IL2RB: variants seen among roughly 807,000 people sequenced by gnomAD.
IL2RB encodes interleukin 2 receptor subunit beta, also known as interleukin-2 receptor subunit beta.
IL2RB carries 17 observed loss-of-function variants against 44.2 expected under a neutral mutation model. That is an observed-to-expected ratio of 0.38 (90% CI 0.26 to 0.58). The LOEUF (loss-of-function observed/expected upper bound fraction) is 0.58. IL2RB is among the 20% of genes least tolerant of loss of function. The probability of loss-of-function intolerance (pLI) is 0.63; values close to 1 mark genes in which losing one functional copy is unlikely to be tolerated. For missense variants in IL2RB, 624 were observed against 685.5 expected (o/e 0.91, Z 1.00); for synonymous variants, 286 against 297.9 (o/e 0.96, Z 0.41).
At chr22:37,171,803 A>C (rs1034418) in intron 1 of IL2RB, among the ~76,000 whole-genome samples, 1 of 152,154 alleles carries the variant, frequency 6.6e-6, no homozygotes, top group Admixed American at 6.5e-5. Flanking sequence ...CAGAATAGAA[A>C]GCTGCTCACA....
At chr22:37,175,078 CT>C (rs937506747), upstream of IL2RB, 4 of 152,194 alleles carry the variant, frequency 2.6e-5, no homozygotes, top group African/African-American at 9.7e-5. Context: ...GGAAGGGTCC[CT>C]TATACAACCA....
upstream of IL2RB, among the ~76,000 whole-genome samples, chr22:37,150,229 A>G (rs116606454): frequency 5.4e-3 from 821 of 151,898 alleles, 9 homozygotes; most frequent in African/African-American, 0.019. Context: ...GCCAACTCAC[A>G]CAGGCTACCC....
At chr22:37,174,247 T>C (rs1923379596) in intron 1 of IL2RB, among the ~76,000 whole-genome samples, 1 of 151,460 alleles carries the variant, frequency 6.6e-6, no homozygotes, top group Non-Finnish European at 1.5e-5. Flanking sequence ...GTTTTGAGAC[T>C]TTTTTCCATG....
chr22:37,138,891 C>G (rs1921827081), intron 5 of IL2RB, among the ~76,000 whole-genome samples: 2 of 152,092 alleles, frequency 1.3e-5, no homozygotes, highest in Non-Finnish European at 2.9e-5. Flanking sequence ...ATATAGGCCT[C>G]AAGAGGAGGA....
intron 9 of IL2RB, among the ~76,000 whole-genome samples, chr22:37,130,437 C>T (rs951606388): frequency 3.3e-5 from 5 of 152,238 alleles, no homozygotes; most frequent in Non-Finnish European, 5.9e-5. Context: ...ACACACGTTC[C>T]ACGATCCCCT....
chr22:37,170,368 A>G (rs1923237609), intron 1 of IL2RB, among the ~76,000 whole-genome samples: 2 of 152,134 alleles, frequency 1.3e-5, no homozygotes, highest in Admixed American at 6.5e-5. Context: ...ACCTAACAGG[A>G]GAGCAGCTGA....
At chr22:37,166,285 C>T (rs982936116) in intron 1 of IL2RB, among the ~76,000 whole-genome samples, 1 of 152,180 alleles carries the variant, frequency 6.6e-6, no homozygotes, top group Non-Finnish European at 1.5e-5. Flanking sequence ...CACCTCCTGC[C>T]GAGAGGAAGC....
intron 3 of IL2RB, among the ~76,000 whole-genome samples, chr22:37,143,045 T>C (rs1200006033): frequency 1.3e-5 from 2 of 152,092 alleles, no homozygotes; most frequent in African/African-American, 4.8e-5. Context: ...ACTGGCCGCC[T>C]GGATGTTTAC....
chr22:37,163,043 C>T (rs1208694413), intron 1 of IL2RB, among the ~76,000 whole-genome samples: 2 of 152,212 alleles, frequency 1.3e-5, no homozygotes, highest in Non-Finnish European at 2.9e-5. Context: ...AGTTTGAGCC[C>T]CAGCAGTGCC....
At chr22:37,140,122 C>G (rs1921891661) in intron 4 of IL2RB, among the ~76,000 whole-genome samples, 2 of 152,252 alleles carry the variant, frequency 1.3e-5, no homozygotes, top group South Asian at 4.1e-4. Flanking sequence ...GGGCCGGGAC[C>G]TTGGGCACCG....
intron 7 of IL2RB, 48 bp from the exon 8 acceptor site, chr22:37,135,490 C>A: frequency 8.2e-7 from 1 of 1,222,538 alleles, no homozygotes; most frequent in Non-Finnish European, 1.2e-6. Flanking sequence ...AGAGAAGTGC[C>A]CTCACTCACC....
chr22:37,142,274 T>C (rs112344657), intron 4 of IL2RB, among the ~76,000 whole-genome samples, 160 bp downstream of exon 4: 2 of 152,220 alleles, frequency 1.3e-5, no homozygotes, highest in East Asian at 1.9e-4. Context: ...GTGTCACCTG[T>C]TTTTCTCTGC....
intron 8 of IL2RB, among the ~76,000 whole-genome samples, chr22:37,132,743 TG>T (rs1384558656): frequency 6.6e-6 from 1 of 151,966 alleles, no homozygotes; most frequent in Non-Finnish European, 1.5e-5. Flanking sequence ...ATTCATTCTG[TG>T]GAGACAGAGA....
intron 2 of IL2RB, 94 bp from the exon 3 acceptor site, chr22:37,143,729 C>T: frequency 1.1e-6 from 1 of 881,812 alleles, no homozygotes; most frequent in Non-Finnish European, 1.9e-6. Flanking sequence ...CCCACACCTG[C>T]CAGAGGAGGA....
At position 37,141,593 on chromosome 22, in the gene IL2RB, C is replaced by A. The variant is rs887485923; in HGVS notation, c.282+841G>T. Among the ~76,000 whole-genome samples the A allele has an allele frequency of 6.6e-6, 1 of 152,190 alleles. No individual in the cohort carries two copies. Among genetic ancestry groups the A allele is most frequent in the African/African-American group, 2.4e-5 (1 of 41,452 alleles). On this transcript the variant is annotated intron_variant, in intron 4 of 9. Coordinates refer to ENST00000216223, the MANE Select transcript of IL2RB (RefSeq NM_000878.5). The surrounding 1 kb of genome is among the most constrained non-coding windows in gnomAD (Gnocchi z 4.4). Reference sequence around the variant, plus strand: ...GACCCAGGCATCTCTACTGCCCCCACAAGCTCAGGGGTGTCTGCTCCCACT... The same window carrying A: ...GACCCAGGCATCTCTACTGCCCCCAAAAGCTCAGGGGTGTCTGCTCCCACT...
At position 37,132,366 on chromosome 22, in the gene IL2RB, C is replaced by A; in HGVS notation, c.903+18G>T. The A allele has an allele frequency of 6.2e-7, 1 of 1,608,786 alleles. No homozygotes were observed. The highest frequency in any genetic ancestry group is 8.5e-7 in the Non-Finnish European group (1 of 1,175,824). ...TCACACCCCTGCCCACCTCTGTCTCCCCGCCCCGGCCTCCTACCTGGACGT... is the reference window on the plus strand; with the variant it reads ...TCACACCCCTGCCCACCTCTGTCTCACCGCCCCGGCCTCCTACCTGGACGT... On this transcript the variant is annotated intron_variant, in intron 9 of 9. Transcript: ENST00000216223.
chr22:37,129,848 C>T (rs1394245437), intron 9 of IL2RB, among the ~76,000 whole-genome samples: 2 of 152,206 alleles, frequency 1.3e-5, no homozygotes, highest in Non-Finnish European at 2.9e-5. Flanking sequence ...CCTGGGAACC[C>T]TCAGCAGCTG....
Position 37,144,121 on chromosome 22 carries a change from G to T in IL2RB, c.52C>A (p.Pro18Thr), listed in dbSNP as rs1001259966. 1.9e-6 allele frequency: 3 copies of T among 1,552,460 alleles called. No homozygotes were observed. Among genetic ancestry groups the T allele is most frequent in the Admixed American group, 3.9e-5 (2 of 51,070 alleles). The change falls in exon 2 of 10, where the codon CCC becomes ACC. Residue 18 changes from proline (P) to threonine (T), a missense_variant. Transcript: ENST00000216223. ...WRLPLLILLL[P>T]LATSWASAAV... ...GCAGATGCCCAAGAGGTAGCCAGGGGCAGGAGGAGGATGAGGAGGGGCAGA... is the reference window on the plus strand; with the variant it reads ...GCAGATGCCCAAGAGGTAGCCAGGGTCAGGAGGAGGATGAGGAGGGGCAGA...
intron 1 of IL2RB, among the ~76,000 whole-genome samples, chr22:37,166,495 C>A (rs976072738): frequency 6.6e-6 from 1 of 152,176 alleles, no homozygotes; most frequent in African/African-American, 2.4e-5. Context: ...GGAGGGAGGA[C>A]GCCTAGGCCT....
Sources: gnomAD v4.1 joint callset for allele counts (sites outside exome capture counted in the v4.1 genomes callset) on GRCh38, gnomAD v4.1.1 for gene constraint, Gnocchi (gnomAD v3.1) non-coding constraint, MANE v1.5 for transcripts, NCBI Gene and HGNC (gene_info 2026-07-23, HGNC 2026-07-21) for gene names.